Variants in PHACTR1 observed in about 807,000 individuals in gnomAD.
PHACTR1 encodes phosphatase and actin regulator 1, also known as RPEL repeat containing 1.
PHACTR1 carries 16 observed loss-of-function variants against 69.2 expected under a neutral mutation model. That is an observed-to-expected ratio of 0.23 (90% CI 0.16 to 0.35). The LOEUF (loss-of-function observed/expected upper bound fraction) is 0.35, where lower values mean the gene tolerates loss of function less well. Ranked by LOEUF, PHACTR1 falls within the 10% of genes least tolerant of loss-of-function variation. PHACTR1 has a pLI of 1.00. For missense variants in PHACTR1, 510 were observed against 734.7 expected (o/e 0.69, Z 3.54); for synonymous variants, 312 against 284.5 (o/e 1.10, Z -0.97).
intron 10 of PHACTR1, among the ~76,000 whole-genome samples, chr6:13,243,893 T>C (rs1242230588): frequency 6.6e-6 from 1 of 152,198 alleles, no homozygotes; most frequent in Non-Finnish European, 1.5e-5. Flanking sequence ...GATGATGGCC[T>C]CCAGCTCCAT....
intron 5 of PHACTR1, among the ~76,000 whole-genome samples, chr6:13,118,474 T>A (rs1200062362): frequency 1.2e-5 from 1 of 83,276 alleles, no homozygotes; most frequent in Non-Finnish European, 2.6e-5. Flanking sequence ...CAGGGCCATT[T>A]TTTTTTTTTT....
chr6:12,741,349 T>G (rs1158114425), intron 3 of PHACTR1, among the ~76,000 whole-genome samples: 1 of 152,070 alleles, frequency 6.6e-6, no homozygotes, highest in Non-Finnish European at 1.5e-5. Context: ...GAAATTTTAT[T>G]ATTATTAACC....
intron 4 of PHACTR1, among the ~76,000 whole-genome samples, chr6:12,932,004 A>G (rs7748541): frequency 0.027 from 4,169 of 152,012 alleles, 182 homozygotes; most frequent in African/African-American, 0.095. Context: ...AATGCATTAG[A>G]AAAGCAGATT....
At chr6:12,772,923 A>G (rs1447989680) in intron 4 of PHACTR1, among the ~76,000 whole-genome samples, 1 of 152,138 alleles carries the variant, frequency 6.6e-6, no homozygotes, top group African/African-American at 2.4e-5. Flanking sequence ...TAACAAATGG[A>G]CTCTATTTTC....
chr6:13,250,424 T>C (rs1046212611), intron 10 of PHACTR1, among the ~76,000 whole-genome samples: 1 of 152,244 alleles, frequency 6.6e-6, no homozygotes, highest in Admixed American at 6.5e-5. Context: ...ATACAGATTA[T>C]GCTGGGAATA....
At chr6:13,174,113 G>A (rs1472153558) in intron 6 of PHACTR1, among the ~76,000 whole-genome samples, 1 of 152,022 alleles carries the variant, frequency 6.6e-6, no homozygotes, top group African/African-American at 2.4e-5. Context: ...CCTCACTAAT[G>A]TTAGGACCAC....
chr6:13,257,283 C>T (rs930130265), intron 10 of PHACTR1, among the ~76,000 whole-genome samples: 5 of 152,106 alleles, frequency 3.3e-5, no homozygotes, highest in Non-Finnish European at 5.9e-5. Context: ...GGTCCTAAAC[C>T]ATTCATGAGA....
chr6:12,758,552 G>T (rs1767644041), intron 4 of PHACTR1, among the ~76,000 whole-genome samples: 1 of 150,450 alleles, frequency 6.6e-6, no homozygotes, highest in Non-Finnish European at 1.5e-5. Flanking sequence ...GACCCCATCA[G>T]ATTGACATCA....
intron 7 of PHACTR1, among the ~76,000 whole-genome samples, chr6:13,191,989 C>T (rs9473648): frequency 0.047 from 7,094 of 152,090 alleles, 553 homozygotes; most frequent in African/African-American, 0.16. Flanking sequence ...ATTTCTATAA[C>T]CAGGGCAAAG....
In PHACTR1 at chr6:12,875,981, C is replaced by T. The variant is rs149537566; in HGVS notation, c.250+126191C>T. ...AATAAAGCTAAGGAGGTTAGGAACA[C>T]GAATGGGAAGATGGGGACACTATAA... On this transcript the variant is annotated intron_variant, in intron 4 of 14. Coordinates refer to ENST00000332995, the MANE Select transcript of PHACTR1 (RefSeq NM_030948.6). Among the ~76,000 whole-genome samples, 5 of 152,242 alleles carry T rather than the reference C, an allele frequency of 3.3e-5. No homozygotes were observed. In the East Asian group the frequency reaches 5.8e-4, roughly 18 times the overall value.
At chr6:12,942,065 A>T (rs371733593) in intron 4 of PHACTR1, among the ~76,000 whole-genome samples, 5 of 152,202 alleles carry the variant, frequency 3.3e-5, no homozygotes, top group African/African-American at 1.2e-4. Context: ...ATTAAAGGAA[A>T]AGTACCCATA....
At chr6:12,856,993 G>A (rs1370818620) in intron 4 of PHACTR1, among the ~76,000 whole-genome samples, 1 of 152,140 alleles carries the variant, frequency 6.6e-6, no homozygotes, top group Non-Finnish European at 1.5e-5. Context: ...CTTTTGAAAC[G>A]GGGGGTTATT....
chr6:12,758,881 G>A (rs746443245), intron 4 of PHACTR1, among the ~76,000 whole-genome samples: 1 of 152,094 alleles, frequency 6.6e-6, no homozygotes, highest in Non-Finnish European at 1.5e-5. Context: ...CTTGCGTTTT[G>A]GGAGGCTGAG....
At chr6:13,124,945 C>T (rs753332027) in intron 5 of PHACTR1, among the ~76,000 whole-genome samples, 221 of 152,124 alleles carry the variant, frequency 1.5e-3, no homozygotes, top group Non-Finnish European at 2.1e-3. Context: ...CTTAATATGA[C>T]CCAAATCTTG....
intron 6 of PHACTR1, among the ~76,000 whole-genome samples, chr6:13,174,596 A>C (rs1177179631): frequency 1.3e-5 from 2 of 152,250 alleles, no homozygotes; most frequent in African/African-American, 4.8e-5. Flanking sequence ...AACAGTTAAG[A>C]GAGTTTGAGT....
intron 5 of PHACTR1, among the ~76,000 whole-genome samples, chr6:13,088,006 G>A (rs1330210605): frequency 3.3e-5 from 5 of 151,936 alleles, no homozygotes; most frequent in Non-Finnish European, 5.9e-5. Flanking sequence ...ATTGAAGGGC[G>A]AAACACTAGA....
Position 13,193,654 on chromosome 6 carries a change from C to T in PHACTR1, c.664+10968C>T, listed in dbSNP as rs4296882. ...CCTCCTGCCTCAGCCTCCCAAGTAA[C>T]TGGGACTACAGGCGAGATCTGCCAC... On this transcript the variant is annotated intron_variant, in intron 7 of 14. Transcript: ENST00000332995. 2.5e-3 allele frequency among the ~76,000 whole-genome samples: 378 copies of T among 151,362 alleles called. 1 individual carries two copies. Among genetic ancestry groups the T allele is most frequent in the Non-Finnish European group, 3.6e-3 (241 of 67,760 alleles).
At chr6:13,183,085 T>C (rs1391929366) in intron 7 of PHACTR1, among the ~76,000 whole-genome samples, 1 of 152,232 alleles carries the variant, frequency 6.6e-6, no homozygotes, top group Non-Finnish European at 1.5e-5. Context: ...AGTCCCAGTA[T>C]GCCAGTTAAT....
chr6:12,950,697 G>C (rs1562045338), intron 4 of PHACTR1, among the ~76,000 whole-genome samples: 2 of 152,158 alleles, frequency 1.3e-5, no homozygotes, highest in Non-Finnish European at 2.9e-5. Flanking sequence ...AACCTGGCTA[G>C]GATCATTCAG....
Sources: allele counts gnomAD v4.1 joint callset (sites outside exome capture counted in the v4.1 genomes callset), GRCh38; gene constraint gnomAD v4.1.1; transcripts MANE v1.5; gene names NCBI Gene and HGNC (gene_info 2026-07-23, HGNC 2026-07-21).